The following COL24A1 variants were observed in gnomAD, a reference collection of about 807,000 sequenced individuals.
COL24A1 encodes the protein collagen type XXIV alpha 1 chain.
Under a neutral mutation model 253.9 loss-of-function variants are expected in COL24A1, and 224 were observed. The ratio of observed to expected loss-of-function variants is 0.88; its 90% CI spans 0.79 to 0.99. The LOEUF (loss-of-function observed/expected upper bound fraction) is 0.99. COL24A1 is among the 50% of genes least tolerant of loss of function. COL24A1 has a pLI of 0.00. For missense variants in COL24A1, 2,131 were observed against 2,068.5 expected (o/e 1.03, Z -0.59); for synonymous variants, 685 against 673.7 (o/e 1.02, Z -0.26).
intron 12 of COL24A1, among the ~76,000 whole-genome samples, chr1:86,040,472 C>A (rs1244298627): frequency 3.5e-5 from 4 of 114,086 alleles, no homozygotes; most frequent in African/African-American, 1.0e-4. Flanking sequence ...CCCCTCCCCC[C>A]ACCCCTACAA....
Position 85,868,791 on chromosome 1 carries a change from A to T in COL24A1, c.3183T>A (p.Asp1061Glu). ...TAAAAGTATAATTTACCTTTAACCCATCTTTTCCCTGGAGACCTTCTTCTC... is the reference window on the plus strand; with the variant it reads ...TAAAAGTATAATTTACCTTTAACCCTTCTTTTCCCTGGAGACCTTCTTCTC... ...APGEEGLQGK[D>E]GLKGVPGGRG... The change falls in exon 36 of 60, where the codon GAT becomes GAA. Residue 1061 changes from aspartate to glutamate, a missense_variant. Coordinates refer to ENST00000370571, the MANE Select transcript of COL24A1 (RefSeq NM_152890.7). 1 of 1,581,116 alleles carries T rather than the reference A, an allele frequency of 6.3e-7. No homozygotes were observed. Among genetic ancestry groups the T allele is most frequent in the South Asian group, 1.2e-5 (1 of 85,088 alleles).
chr1:85,874,700 TC>T lies in COL24A1; in HGVS notation c.3086del (p.Gly1029GlufsTer35). 6.2e-7 allele frequency: 1 copy of T among 1,612,152 alleles called. No individual in the cohort carries two copies. The highest frequency in any genetic ancestry group is 8.5e-7 in the Non-Finnish European group (1 of 1,179,860). ...CAACACTGCCAGCAGTTCCAACATC[TC>T]CCTGAAGAAACAAAGGGAAAGATTA... ...SGLQGEPGAK[G>X]DVGTAGSVGG... On this transcript the variant is annotated frameshift_variant and splice_region_variant, in exon 35 of 60. Transcript: ENST00000370571. LOFTEE classifies it high-confidence loss of function.
intron 37 of COL24A1, among the ~76,000 whole-genome samples, chr1:85,866,618 A>G (rs1448178871): frequency 6.6e-6 from 1 of 151,978 alleles, no homozygotes; most frequent in African/African-American, 2.4e-5. Flanking sequence ...TACTAAAAAT[A>G]TAAAAATTAG....
At chr1:85,737,592 T>A in intron 57 of COL24A1, 87 bp from the exon 58 acceptor site, 5 of 904,394 alleles carry the variant, frequency 5.5e-6, no homozygotes, top group Non-Finnish European at 8.3e-6. Flanking sequence ...AGAGAGAGTC[T>A]CATTCTGTTA....
At chr1:86,139,720 A>G (rs1007772915) in intron 2 of COL24A1, among the ~76,000 whole-genome samples, 1 of 152,186 alleles carries the variant, frequency 6.6e-6, no homozygotes, top group Non-Finnish European at 1.5e-5. Context: ...TTGATCAGTT[A>G]CATCCCAAAG....
intron 35 of COL24A1, among the ~76,000 whole-genome samples, chr1:85,872,865 G>A (rs1412149781): frequency 6.6e-6 from 1 of 152,170 alleles, no homozygotes; most frequent in East Asian, 1.9e-4. Context: ...AAGAGCTTCT[G>A]CACAGAAAAA....
intron 47 of COL24A1, among the ~76,000 whole-genome samples, chr1:85,808,618 A>G (rs922098511): frequency 1.3e-5 from 2 of 152,226 alleles, no homozygotes; most frequent in Non-Finnish European, 2.9e-5. Flanking sequence ...ATCTCACAAA[A>G]TATCATTCAG....
intron 47 of COL24A1, among the ~76,000 whole-genome samples, chr1:85,799,248 A>AAAGAAAGAAAGAAAGAAAGAAAGAAAGG (rs376013377): frequency 6.9e-6 from 1 of 144,234 alleles, no homozygotes; most frequent in African/African-American, 2.6e-5. Context: ...AGAAAGAAAG[A>AAAGAAAGAAAGAAAGAAAGAAAGAAAGG]AAAGAAAAGA....
At chr1:86,017,635 C>A (rs1697124726) in intron 18 of COL24A1, among the ~76,000 whole-genome samples, 1 of 152,174 alleles carries the variant, frequency 6.6e-6, no homozygotes. Flanking sequence ...GTAATTAAGA[C>A]TCACCTGGAT....
At chr1:85,925,482 T>A (rs1463473361) in intron 24 of COL24A1, among the ~76,000 whole-genome samples, 1 of 152,010 alleles carries the variant, frequency 6.6e-6, no homozygotes, top group Non-Finnish European at 1.5e-5. Context: ...GAGCTATAGA[T>A]CAATGGAACA....
intron 1 of COL24A1, among the ~76,000 whole-genome samples, chr1:86,149,506 G>A (rs1461970987): frequency 6.6e-6 from 1 of 152,230 alleles, no homozygotes; most frequent in African/African-American, 2.4e-5. Context: ...ATGAAGGATA[G>A]TGCATCTCAA....
intron 10 of COL24A1, among the ~76,000 whole-genome samples, chr1:86,057,480 T>G (rs563915002): frequency 1.3e-5 from 2 of 152,210 alleles, no homozygotes; most frequent in Admixed American, 6.5e-5. Context: ...CTTTAATGGT[T>G]TGGGAGTGAA....
At chr1:85,768,921 G>T (rs1292789325) in intron 53 of COL24A1, among the ~76,000 whole-genome samples, 1 of 152,104 alleles carries the variant, frequency 6.6e-6, no homozygotes, top group Non-Finnish European at 1.5e-5. Context: ...AACGATGGTA[G>T]GTAGGTACTA....
chr1:85,892,263 T>C (rs528394724), intron 31 of COL24A1, among the ~76,000 whole-genome samples: 1 of 152,172 alleles, frequency 6.6e-6, no homozygotes, highest in South Asian at 2.1e-4. Flanking sequence ...GTGGACTACT[T>C]ATCAGAAATA....
At chr1:85,874,526 A>G (rs1680905968) in intron 35 of COL24A1, 123 bp downstream of exon 35, 3 of 847,746 alleles carry the variant, frequency 3.5e-6, no homozygotes, top group Non-Finnish European at 5.4e-6. Flanking sequence ...AATGAAACCA[A>G]ACATTTTCTA....
chr1:86,024,357 T>G (rs986490442), intron 14 of COL24A1, among the ~76,000 whole-genome samples: 1 of 152,078 alleles, frequency 6.6e-6, no homozygotes, highest in African/African-American at 2.4e-5. Context: ...AGACCCAACA[T>G]AATAACTGGC....
rs1169939731 is a variant in COL24A1, at chr1:85,875,309, C to T, written c.3052G>A (p.Glu1018Lys). Residue 1018 changes from glutamate (E) to lysine (K), a missense_variant, in exon 34 of 60, where the codon GAG becomes AAG. By Grantham distance (56) the Glu-to-Lys change is moderately conservative. Coordinates refer to ENST00000370571, the MANE Select transcript of COL24A1 (RefSeq NM_152890.7). Reference protein sequence around the residue: ...GMEGPPGTEGESGLQGEPGAK... With the variant: ...GMEGPPGTEGKSGLQGEPGAK... ...CCTGGTTCACCTTGCAGACCAGACT[C>T]TCCCTCAGTGCCTGGAGGTCCCTAC... is the stretch of plus-strand genomic sequence containing the variant. 2 of 1,613,876 alleles carry T rather than the reference C, an allele frequency of 1.2e-6. No individual in the cohort carries two copies. Among genetic ancestry groups the T allele is most frequent in the Middle Eastern group, 1.7e-4 (1 of 6,060 alleles).
chr1:86,013,177 A>G (rs1696682625), intron 19 of COL24A1, among the ~76,000 whole-genome samples: 1 of 152,194 alleles, frequency 6.6e-6, no homozygotes, highest in Non-Finnish European at 1.5e-5. Flanking sequence ...TAACCCCAAA[A>G]TTCTGTAATT....
chr1:86,003,289 G>T (rs1695612488), intron 19 of COL24A1, among the ~76,000 whole-genome samples: 1 of 152,164 alleles, frequency 6.6e-6, no homozygotes, highest in Non-Finnish European at 1.5e-5. Flanking sequence ...CTGTCAGGCT[G>T]CCAAGACATA....
Sources: allele counts gnomAD v4.1 joint callset (sites outside exome capture counted in the v4.1 genomes callset), GRCh38; gene constraint gnomAD v4.1.1; transcripts MANE v1.5; gene names NCBI Gene and HGNC (gene_info 2026-07-23, HGNC 2026-07-21).